The following ECHDC1 variants were observed in gnomAD, a reference collection of about 807,000 sequenced individuals.
The protein encoded by ECHDC1 is ethylmalonyl-CoA decarboxylase.
Under a neutral mutation model 29.7 loss-of-function variants are expected in ECHDC1, and 29 were observed. The observed-to-expected ratio is 0.98, with a 90% confidence interval of 0.73 to 1.33. The LOEUF (loss-of-function observed/expected upper bound fraction) is 1.33, where lower values mean the gene tolerates loss of function less well. Among genes scored for constraint, ECHDC1 ranks in the 40% most tolerant of loss-of-function variants. The pLI is 0.00. For missense variants in ECHDC1, 328 were observed against 350.0 expected, an observed-to-expected ratio of 0.94 and a Z score of 0.50; for synonymous variants, 126 against 123.1, an observed-to-expected ratio of 1.02 and a Z score of -0.15.
chr6:127,333,664 CTT>C (rs1455858385), intron 1 of ECHDC1, among the ~76,000 whole-genome samples: 1 of 135,182 alleles, frequency 7.4e-6, no homozygotes, highest in Non-Finnish European at 1.5e-5. Flanking sequence ...CTCTCTTTCT[CTT>C]ACACACACAC....
At chr6:127,323,438 C>G (rs565025065) in intron 3 of ECHDC1, among the ~76,000 whole-genome samples, 1 of 152,074 alleles carries the variant, frequency 6.6e-6, no homozygotes, top group Admixed American at 6.6e-5. Flanking sequence ...ATAATGTTTA[C>G]TAATCTCAAG....
chr6:127,290,118 GT>G lies in ECHDC1; in HGVS notation c.656del (p.Asn219ThrfsTer2). The G allele has an allele frequency of 1.9e-6, 3 of 1,613,654 alleles. No individual in the cohort carries two copies. Reference sequence around the variant, plus strand: ...GCAAGACCTCTTCAACCATTCCTATGTTTAGAGCATTTTTTGAATCCAGTTT... The same window carrying G: ...GCAAGACCTCTTCAACCATTCCTATGTTAGAGCATTTTTTGAATCCAGTTT... ...ALKLDSKNAL[N>X]IGMVEEVLQS... On this transcript the variant is annotated frameshift_variant, in exon 6 of 6. Transcript: ENST00000454859. LOFTEE classifies it high-confidence loss of function.
At chr6:127,324,204 TAAAGGA>T (rs1386767982) in intron 3 of ECHDC1, among the ~76,000 whole-genome samples, 4 of 152,290 alleles carry the variant, frequency 2.6e-5, no homozygotes, top group East Asian at 1.9e-4. Flanking sequence ...ATATGACTGC[TAAAGGA>T]AAAGTGATGA....
chr6:127,323,887 A>G (rs1428030032), intron 3 of ECHDC1, among the ~76,000 whole-genome samples: 1 of 152,174 alleles, frequency 6.6e-6, no homozygotes, highest in African/African-American at 2.4e-5. Context: ...GAGGATTGAT[A>G]AAGGAAGATG....
intron 5 of ECHDC1, among the ~76,000 whole-genome samples, chr6:127,296,353 G>A (rs545790863): frequency 3.9e-5 from 6 of 152,054 alleles, no homozygotes; most frequent in African/African-American, 1.2e-4. Flanking sequence ...CATCACACCC[G>A]GCTAAATTTT....
At position 127,289,880 on chromosome 6, in the gene ECHDC1, A is replaced by T; in HGVS notation, c.895T>A (p.Phe299Ile). The change falls in exon 6 of 6, where the codon TTT becomes ATT. Residue 299 changes from phenylalanine (F) to isoleucine (I), a missense_variant. Physicochemically the swap from Phe to Ile is conservative, Grantham distance 21. Transcript: ENST00000454859. ...NLEAIAKKGK[F>I]NK ...ACACGAAAAACCAATTATTTATTAA[A>T]TTTTCCTTTCTTAGCAATAGCCTCT... The T allele has an allele frequency of 6.2e-7, 1 of 1,605,678 alleles. No homozygotes were observed. Among genetic ancestry groups the T allele is most frequent in the Non-Finnish European group, 8.5e-7 (1 of 1,176,392 alleles).
intron 5 of ECHDC1, among the ~76,000 whole-genome samples, chr6:127,306,465 TG>T (rs1267048145): frequency 6.6e-6 from 1 of 152,168 alleles, no homozygotes; most frequent in Non-Finnish European, 1.5e-5. Context: ...GATTGGATCA[TG>T]GGGGCAGCCT....
In ECHDC1 at chr6:127,327,151, G is replaced by A; in HGVS notation, c.221-7C>T. The A allele has an allele frequency of 6.2e-7, 1 of 1,610,048 alleles. No individual in the cohort carries two copies. Among genetic ancestry groups the A allele is most frequent in the Non-Finnish European group, 8.5e-7 (1 of 1,178,324 alleles). On this transcript the variant is annotated splice_polypyrimidine_tract_variant and splice_region_variant and intron_variant, in intron 2 of 5. Coordinates refer to ENST00000454859, the MANE Select transcript of ECHDC1 (RefSeq NM_001002030.2). ...AGTTGTAGCATCATAACACCTGCCA[G>A]AGATGGAAGTGGGAAATCACAAATA...
intron 2 of ECHDC1, chr6:127,329,791 T>A: frequency 2.6e-6 from 1 of 384,944 alleles, no homozygotes; most frequent in Non-Finnish European, 5.2e-6. Flanking sequence ...CTATGGTTAC[T>A]AGAATATTTA....
rs141190518 is a variant in ECHDC1 at position 127,339,347 on chromosome 6, C to T, written c.-3+3989G>A. ...AGGGACTGCATCTTACAGCTCTTAA[C>T]GCAGAATTTTACATTAAATTTTTGT... On this transcript the variant is annotated intron_variant, in intron 1 of 5. Transcript: ENST00000454859. 7.6e-3 allele frequency among the ~76,000 whole-genome samples: 1,141 copies of T among 150,216 alleles called. 7 individuals are homozygous for T. Among genetic ancestry groups the T allele is most frequent in the Non-Finnish European group, 0.013 (910 of 67,694 alleles).
chr6:127,301,489 G>A (rs1167269364), intron 5 of ECHDC1, among the ~76,000 whole-genome samples: 2 of 152,106 alleles, frequency 1.3e-5, no homozygotes, highest in African/African-American at 2.4e-5. Flanking sequence ...GAAAGCTTTC[G>A]GTGTTTTTTT....
chr6:127,322,670 A>G (rs1181869028), intron 3 of ECHDC1, among the ~76,000 whole-genome samples: 2 of 151,586 alleles, frequency 1.3e-5, no homozygotes, highest in Non-Finnish European at 2.9e-5. Context: ...ACAATGATGT[A>G]TATATAAAAC....
chr6:127,328,750 GGT>G (rs1783602616), intron 2 of ECHDC1, among the ~76,000 whole-genome samples: 1 of 152,188 alleles, frequency 6.6e-6, no homozygotes, highest in Non-Finnish European at 1.5e-5. Flanking sequence ...AAACAGGCCG[GGT>G]GCAGTGGCTC....
rs1452519606 is a variant in ECHDC1, at chr6:127,289,800, A to G, written c.*69T>C. 4 of 1,401,442 alleles carry G rather than the reference A, an allele frequency of 2.9e-6. No homozygotes were observed. The highest frequency in any genetic ancestry group is 3.9e-6 in the Non-Finnish European group (4 of 1,038,530). 86.8% of individuals were successfully genotyped at this position (1,401,442 alleles called of 1,614,324 possible). On this transcript the variant is annotated 3_prime_UTR_variant, in exon 6 of 6. Coordinates refer to ENST00000454859, the MANE Select transcript of ECHDC1 (RefSeq NM_001002030.2). ...AAAGTAATTCTGATGTTCATATTTAATATCATTTAACATTTATACATATTA... is the reference window on the plus strand; with the variant it reads ...AAAGTAATTCTGATGTTCATATTTAGTATCATTTAACATTTATACATATTA...
intron 5 of ECHDC1, among the ~76,000 whole-genome samples, chr6:127,302,860 G>A (rs1781154540): frequency 6.6e-6 from 1 of 152,088 alleles, no homozygotes; most frequent in Admixed American, 6.6e-5. Flanking sequence ...CAAGCATAAA[G>A]CCAATGACTG....
chr6:127,328,576 AC>A (rs1205470425), intron 2 of ECHDC1, among the ~76,000 whole-genome samples: 4 of 152,118 alleles, frequency 2.6e-5, no homozygotes, highest in Non-Finnish European at 4.4e-5. Flanking sequence ...TAAAACTGTA[AC>A]CCTTTCCAAG....
rs10223649 is a variant in ECHDC1 at position 127,309,966 on chromosome 6, C to A, written c.497+4850G>T. 4.8e-3 allele frequency among the ~76,000 whole-genome samples: 726 copies of A among 152,202 alleles called. 10 individuals carry two copies. Among genetic ancestry groups the A allele is most frequent in the African/African-American group, 0.017 (691 of 41,512 alleles). On this transcript the variant is annotated intron_variant, in intron 5 of 5. Transcript: ENST00000454859. ...ATGATTCAATCACCTCCCACCAGAC[C>A]CTTCCTCCAAAATTGAGGATTACAA...
chr6:127,332,960 T>A (rs191592652), intron 1 of ECHDC1, among the ~76,000 whole-genome samples: 1 of 152,294 alleles, frequency 6.6e-6, no homozygotes, highest in East Asian at 1.9e-4. Flanking sequence ...GCCAAGCTAA[T>A]TTTTCTATTT....
At chr6:127,317,183 C>G (rs1225205935) in intron 3 of ECHDC1, among the ~76,000 whole-genome samples, 1 of 152,018 alleles carries the variant, frequency 6.6e-6, no homozygotes, top group Non-Finnish European at 1.5e-5. Flanking sequence ...TTTGCTCTCA[C>G]TTTCTAGCAA....
Sources: gnomAD v4.1 joint callset for allele counts (sites outside exome capture counted in the v4.1 genomes callset) on GRCh38, gnomAD v4.1.1 for gene constraint, MANE v1.5 for transcripts, NCBI Gene and HGNC (gene_info 2026-07-23, HGNC 2026-07-21) for gene names.